LMO4: variants seen among roughly 807,000 people sequenced by gnomAD.
The protein encoded by LMO4 is LIM domain only 4, also known as LIM domain transcription factor LMO4.
In LMO4, 3 loss-of-function variants were observed where a neutral mutation model predicts 18.5. The ratio of observed to expected loss-of-function variants is 0.16; its 90% confidence interval spans 0.07 to 0.42. LMO4 has a LOEUF of 0.42. Ranked by LOEUF, LMO4 falls within the 10% of genes least tolerant of loss-of-function variation. The probability of loss-of-function intolerance (pLI) is 0.99; values close to 1 mark genes in which losing one functional copy is unlikely to be tolerated. For synonymous variants in LMO4, 100 were observed against 88.1 expected, an observed-to-expected ratio of 1.14 and a Z score of -0.76; for missense variants, 121 against 219.9, an observed-to-expected ratio of 0.55 and a Z score of 2.84.
In LMO4 at chr1:87,346,885, C is replaced by G. The variant is rs879857643; in HGVS notation, c.*2089C>G. On this transcript the variant is annotated 3_prime_UTR_variant, in exon 5 of 5. Coordinates refer to ENST00000370544, the MANE Select transcript of LMO4 (RefSeq NM_006769.4). ...TGTTTTTTTTCCTTTAAGGAACTTT[C>G]TGAAGGAAGTTAGACTGCGATGGTA... The G allele has an allele frequency of 6.6e-6, 1 of 151,978 alleles. No individual in the cohort carries two copies. Among genetic ancestry groups the G allele is most frequent in the African/African-American group, 2.4e-5 (1 of 41,358 alleles). The allele number at this position is 151,978 out of a possible 1,614,324, so 9.4% of individuals were successfully genotyped here.
intron 2 of LMO4, among the ~76,000 whole-genome samples, chr1:87,337,550 C>T (rs1650349332): frequency 6.6e-6 from 1 of 152,172 alleles, no homozygotes; most frequent in Non-Finnish European, 1.5e-5. Flanking sequence ...TGTTCTTTAG[C>T]CTTGTTAGGA....
At chr1:87,330,294 C>G (rs1650098106) in intron 1 of LMO4, among the ~76,000 whole-genome samples, 1 of 151,838 alleles carries the variant, frequency 6.6e-6, no homozygotes, top group South Asian at 2.1e-4. Flanking sequence ...AAAAGGAATT[C>G]GGAGCGATTA....
chr1:87,330,009 T>A (rs906550816), intron 1 of LMO4, among the ~76,000 whole-genome samples: 4 of 151,258 alleles, frequency 2.6e-5, no homozygotes, highest in Admixed American at 6.6e-5. Flanking sequence ...GCTTTCTTTT[T>A]TTTTTTTTTT....
chr1:87,331,279 A>C (rs974745783), intron 1 of LMO4: 4 of 152,184 alleles, frequency 2.6e-5, no homozygotes, highest in African/African-American at 9.7e-5. Context: ...CAATAATGGG[A>C]GATGGCGGTC....
At chr1:87,329,280 T>G (rs1570646776) in intron 1 of LMO4, 36 bp downstream of exon 1, 3 of 150,148 alleles carry the variant, frequency 2.0e-5, no homozygotes, top group Non-Finnish European at 3.0e-5. Flanking sequence ...GGCCGGGAGG[T>G]GGGAGAGGGA....
chr1:87,336,883 C>T (rs574434230), intron 2 of LMO4, among the ~76,000 whole-genome samples: 49 of 152,266 alleles, frequency 3.2e-4, no homozygotes, highest in African/African-American at 1.0e-3. Flanking sequence ...CTTAATTGAG[C>T]ACCTAAAGCC....
At chr1:87,334,141 A>T (rs1288245329) in intron 2 of LMO4, among the ~76,000 whole-genome samples, 1 of 152,146 alleles carries the variant, frequency 6.6e-6, no homozygotes, top group East Asian at 1.9e-4. Context: ...GGAGCAATGG[A>T]GGATGTGTGC....
At chr1:87,343,883 G>A (rs3753289) in intron 4 of LMO4, among the ~76,000 whole-genome samples, 11,320 of 152,086 alleles carry the variant, frequency 0.074, 862 homozygotes, top group East Asian at 0.18. Context: ...CTTCCTGGGA[G>A]GCTCAAAATG....
chr1:87,331,856 C>CGGTGG, intron 1 of LMO4, 157 bp from the exon 2 acceptor site: 27 of 614,838 alleles, frequency 4.4e-5, no homozygotes, highest in Admixed American at 1.8e-4. Context: ...CTTCTTCCCT[C>CGGTGG]TCCCCCTCAG....
Position 87,346,645 on chromosome 1 carries a change from T to G in LMO4, c.*1849T>G, listed in dbSNP as rs1464261299. 3.3e-5 allele frequency: 5 copies of G among 151,974 alleles called. No individual in the cohort carries two copies. Among genetic ancestry groups the G allele is most frequent in the Non-Finnish European group, 7.3e-5 (5 of 68,044 alleles). 9.4% of individuals were successfully genotyped at this position (151,974 alleles called of 1,614,324 possible). A position where few individuals can be genotyped will look rare whatever the true frequency, so the allele number is the denominator to read the frequency against. On this transcript the variant is annotated 3_prime_UTR_variant, in exon 5 of 5. Transcript: ENST00000370544. ...TGTGCTCACTTCCTGTTTTCAGAGA[T>G]TCCAGGGCAGGGGAAAAAAAAAATC...
Position 87,348,783 on chromosome 1 carries a change from A to G in LMO4, c.*3987A>G, listed in dbSNP as rs760387333. 4 of 512,586 alleles carry G rather than the reference A, an allele frequency of 7.8e-6. No individual in the cohort carries two copies. The highest frequency in any genetic ancestry group is 1.9e-5 in the African/African-American group (1 of 52,016). 31.8% of individuals were successfully genotyped at this position (512,586 alleles called of 1,614,324 possible). ...TCCTAGAGGGAATGTTTTCAAGTTC[A>G]GATTGATTCTGCTGAGAATGGACGG... is the stretch of plus-strand genomic sequence containing the variant. On this transcript the variant is annotated 3_prime_UTR_variant, in exon 5 of 5. Transcript: ENST00000370544.
intron 1 of LMO4, chr1:87,331,615 T>G: frequency 4.8e-5 from 10 of 210,116 alleles, no homozygotes; most frequent in East Asian, 2.5e-4. Context: ...TTGACCCTCA[T>G]TTGCTGGAGG....
Position 87,332,071 on chromosome 1 carries a change from C to A in LMO4, c.56C>A (p.Ser19Tyr). 6.2e-7 allele frequency: 1 copy of A among 1,613,754 alleles called. No individual in the cohort carries two copies. The highest frequency in any genetic ancestry group is 8.5e-7 in the Non-Finnish European group (1 of 1,180,020). ...QPPPVTAGSL[S>Y]WKRCAGCGGK... is the part of the protein sequence containing the mutation. ...CCCCCGGTGACGGCCGGCTCCCTCT[C>A]CTGGAAGCGGTGCGCAGGCTGCGGG... is the stretch of plus-strand genomic sequence containing the variant. The change falls in exon 2 of 5, where the codon TCC becomes TAC. Residue 19 changes from serine (S) to tyrosine (Y), a missense_variant. Ser to Tyr is a moderately radical substitution (Grantham distance 144). Transcript: ENST00000370544.
In LMO4 at chr1:87,348,674, G is replaced by A. The variant is rs1034902712; in HGVS notation, c.*3878G>A. The A allele has an allele frequency of 2.0e-6, 1 of 490,208 alleles. No homozygotes were observed. The highest frequency in any genetic ancestry group is 4.1e-6 in the Non-Finnish European group (1 of 244,558). 30.4% of individuals were successfully genotyped at this position (490,208 alleles called of 1,614,324 possible). ...AATGACAAGTCAGGGCTGATTTTTG[G>A]AAGGTGAACTTGCAACTTACCTCAA... On this transcript the variant is annotated 3_prime_UTR_variant, in exon 5 of 5. Transcript: ENST00000370544.
chr1:87,340,904 A>C (rs1650456004), intron 4 of LMO4, among the ~76,000 whole-genome samples: 1 of 152,232 alleles, frequency 6.6e-6, no homozygotes. Flanking sequence ...GAAATTATAC[A>C]AGTATACAAA....
chr1:87,344,751 G>T (rs756007465), intron 4 of LMO4, 37 bp from the exon 5 acceptor site: 38 of 1,611,606 alleles, frequency 2.4e-5, no homozygotes, highest in Admixed American at 1.5e-4. Context: ...CTCAAATTTA[G>T]CATTTTAGCT....
In LMO4 at chr1:87,348,833, A is replaced by G; in HGVS notation, c.*4037A>G. The G allele has an allele frequency of 2.1e-6, 1 of 479,528 alleles. No homozygotes were observed. 29.7% of individuals were successfully genotyped at this position (479,528 alleles called of 1,614,324 possible). On this transcript the variant is annotated 3_prime_UTR_variant, in exon 5 of 5. Transcript: ENST00000370544. ...GCAACTCGGAGGCCTCAAGCCAATA[A>G]TGTACTACAGGCCCTGACATGTTAC...
chr1:87,335,388 C>T (rs1317843999), intron 2 of LMO4, among the ~76,000 whole-genome samples: 1 of 151,926 alleles, frequency 6.6e-6, no homozygotes, highest in East Asian at 1.9e-4. Context: ...CCCTAGGCGG[C>T]CAGCACCCGG....
At position 87,348,659 on chromosome 1, in the gene LMO4, C is replaced by A; in HGVS notation, c.*3863C>A. 2.1e-6 allele frequency: 1 copy of A among 476,952 alleles called. No homozygotes were observed. Among genetic ancestry groups the A allele is most frequent in the Admixed American group, 2.2e-5 (1 of 44,836 alleles). The allele number at this position is 476,952 out of a possible 1,614,324, so 29.5% of individuals were successfully genotyped here. ...GAACATGCTGAGAGCAATGACAAGT[C>A]AGGGCTGATTTTTGGAAGGTGAACT... On this transcript the variant is annotated 3_prime_UTR_variant, in exon 5 of 5. Transcript: ENST00000370544.
Sources: gnomAD v4.1 joint callset for allele counts (sites outside exome capture counted in the v4.1 genomes callset) on GRCh38, gnomAD v4.1.1 for gene constraint, MANE v1.5 for transcripts, NCBI Gene and HGNC (gene_info 2026-07-23, HGNC 2026-07-21) for gene names.